CSF2RA: variants seen among roughly 807,000 people sequenced by gnomAD.
CSF2RA encodes colony stimulating factor 2 receptor subunit alpha, also known as granulocyte-macrophage colony-stimulating factor receptor subunit alpha.
Under a neutral mutation model 51.6 loss-of-function variants are expected in CSF2RA, and 42 were observed. That is an observed-to-expected ratio of 0.81 (90% CI 0.64 to 1.05). The LOEUF (loss-of-function observed/expected upper bound fraction) is 1.05. CSF2RA is among the 50% of genes least tolerant of loss of function. The probability of loss-of-function intolerance (pLI) is 0.00; values close to 1 mark genes in which losing one functional copy is unlikely to be tolerated. For missense variants in CSF2RA, 530 were observed against 501.1 expected, an observed-to-expected ratio of 1.06 and a Z score of -0.55; for synonymous variants, 222 against 193.0, an observed-to-expected ratio of 1.15 and a Z score of -1.24.
chrX:1,322,444 T>TTTG, the CSF2RA span, among the ~76,000 whole-genome samples: 1 of 88,886 alleles, frequency 1.1e-5, no homozygotes, highest in South Asian at 2.9e-4. Context: ...TGTTTGTTTT[T>TTTG]TTTTTTTTTT....
chrX:1,303,843 T>C (rs188182420), intron 10 of CSF2RA, 80 bp from the exon 11 acceptor site: 7 of 1,208,808 alleles, frequency 5.8e-6, no homozygotes, highest in African/African-American at 1.5e-5. Context: ...TAAATGCATT[T>C]GGACACCCGA....
chrX:1,298,377 G>GT (rs2092119094), intron 9 of CSF2RA, among the ~76,000 whole-genome samples: 1 of 24,060 alleles, frequency 4.2e-5, no homozygotes, highest in African/African-American at 2.3e-4. Context: ...ACCCCTGGCA[G>GT]AACCCTACAG....
the CSF2RA span, among the ~76,000 whole-genome samples, chrX:1,318,493 G>C: frequency 2.0e-5 from 3 of 151,746 alleles, no homozygotes; most frequent in Non-Finnish European, 1.5e-5. Context: ...ACTGGCCAAA[G>C]GGTGGTTGCA....
the CSF2RA span, among the ~76,000 whole-genome samples, chrX:1,319,974 C>T: frequency 1.4e-5 from 2 of 143,220 alleles, no homozygotes; most frequent in Admixed American, 1.4e-4. Flanking sequence ...CGGCTCACTG[C>T]AAGCTCTGCC....
chrX:1,323,486 C>T, the CSF2RA span, among the ~76,000 whole-genome samples: 3 of 151,998 alleles, frequency 2.0e-5, no homozygotes, highest in Non-Finnish European at 4.4e-5. Flanking sequence ...TTCAGGCGAC[C>T]GGATTCTCAC....
In CSF2RA at chrX:1,289,030, C is replaced by T. The variant is rs1359792175; in HGVS notation, c.473+142C>T. On this transcript the variant is annotated intron_variant, in intron 6 of 12. Transcript: ENST00000381529. ...AGGCTGCAATGCAATGGTGCCACCTCGGCTCACTGCAACCTCGACCTCCTG... is the reference window on the plus strand; with the variant it reads ...AGGCTGCAATGCAATGGTGCCACCTTGGCTCACTGCAACCTCGACCTCCTG... 463 of 1,122,148 alleles carry T rather than the reference C, an allele frequency of 4.1e-4. 1 individual carries two copies. The highest frequency in any genetic ancestry group is 5.6e-4 in the Non-Finnish European group (424 of 760,418). 69.5% of individuals were successfully genotyped at this position (1,122,148 alleles called of 1,614,324 possible). A position where few individuals can be genotyped will look rare whatever the true frequency, so the allele number is the denominator to read the frequency against.
At chrX:1,299,487 C>T (rs1289387483) in intron 9 of CSF2RA, among the ~76,000 whole-genome samples, 2 of 152,112 alleles carry the variant, frequency 1.3e-5, no homozygotes, top group Middle Eastern at 3.4e-3. Flanking sequence ...TGCAGTGGTG[C>T]GATCTCGGCT....
intron 12 of CSF2RA, among the ~76,000 whole-genome samples, chrX:1,308,714 GC>G (rs1348892036): frequency 2.0e-5 from 3 of 151,970 alleles, no homozygotes; most frequent in Admixed American, 1.3e-4. Context: ...CTCCTCCCCG[GC>G]CCCCGCTTTC....
At chrX:1,307,192 C>T (rs2083661619) in intron 12 of CSF2RA, among the ~76,000 whole-genome samples, 1 of 152,202 alleles carries the variant, frequency 6.6e-6, no homozygotes, top group African/African-American at 2.4e-5. Context: ...AGAGGCAGAA[C>T]TGTCCTGCAT....
chrX:1,295,116 A>C (rs1314933725), intron 8 of CSF2RA, among the ~76,000 whole-genome samples: 1 of 152,214 alleles, frequency 6.6e-6, no homozygotes, highest in Non-Finnish European at 1.5e-5. Flanking sequence ...AACCACCTGG[A>C]CCCAGTGTAG....
In CSF2RA at chrX:1,309,183, C is replaced by T. The variant is rs28506953; in HGVS notation, c.1126-219C>T. Reference sequence around the variant, plus strand: ...ATCTGATCAGTCAAATTTGTGGTGGCGGGCGCCTGTAATCCCAGCTACTCA... The same window carrying T: ...ATCTGATCAGTCAAATTTGTGGTGGTGGGCGCCTGTAATCCCAGCTACTCA... On this transcript the variant is annotated intron_variant, in intron 12 of 12. Transcript: ENST00000381529. Among the ~76,000 whole-genome samples, 76,955 of 151,850 alleles carry T rather than the reference C, an allele frequency of 0.51. 21,601 individuals are homozygous for T. Among genetic ancestry groups the T allele is most frequent in the Non-Finnish European group, 0.66 (44,666 of 67,880 alleles).
intron 12 of CSF2RA, among the ~76,000 whole-genome samples, chrX:1,308,189 C>T (rs34598441): frequency 0.13 from 20,348 of 152,002 alleles, 1,712 homozygotes; most frequent in Non-Finnish European, 0.19. Context: ...TCGTAGCAGC[C>T]GCTGAGTCAT....
At chrX:1,269,239 G>A (rs1364832180) in intron 1 of CSF2RA, among the ~76,000 whole-genome samples, 1 of 152,198 alleles carries the variant, frequency 6.6e-6, no homozygotes, top group Non-Finnish European at 1.5e-5. Flanking sequence ...GCTGTACATT[G>A]CTAAGCTACA....
chrX:1,282,635 G>A, intron 2 of CSF2RA, 43 bp from the exon 3 acceptor site: 1 of 1,418,596 alleles, frequency 7.0e-7, no homozygotes, highest in Non-Finnish European at 1.0e-6. Flanking sequence ...GAATGTCCTG[G>A]GAGAGGCAAC....
the CSF2RA span, among the ~76,000 whole-genome samples, chrX:1,324,563 AGAAG>A: frequency 1.3e-5 from 2 of 150,398 alleles, no homozygotes; most frequent in South Asian, 2.1e-4. Flanking sequence ...AGGAAAGAAA[AGAAG>A]GAAGGAAGGA....
chrX:1,321,543 C>T, the CSF2RA span, among the ~76,000 whole-genome samples: 1 of 151,084 alleles, frequency 6.6e-6, no homozygotes, highest in South Asian at 2.1e-4. Context: ...CCACTGCACT[C>T]CAGCCTGGGG....
chrX:1,283,254 T>C (rs2090261119), intron 3 of CSF2RA, among the ~76,000 whole-genome samples: 1 of 143,836 alleles, frequency 7.0e-6, no homozygotes, highest in Non-Finnish European at 1.5e-5. Context: ...CTTCTCTCCT[T>C]CCTTCCATCC....
Position 1,298,729 on chromosome X carries a change from C to T in CSF2RA, c.811-1762C>T, listed in dbSNP as rs193206321. Among the ~76,000 whole-genome samples, 207 of 42,900 alleles carry T rather than the reference C, an allele frequency of 4.8e-3. 14 individuals are homozygous for T. The highest frequency in any genetic ancestry group is 0.044 in the South Asian group (52 of 1,194). 28.1% of individuals were successfully genotyped at this position (42,900 alleles called of 152,430 possible). ...GTGGAACCCTACAGTCCCCTACTCA[C>T]GACCCCTAGTGTAACCCCACATGAC... On this transcript the variant is annotated intron_variant, in intron 9 of 12. Coordinates refer to ENST00000381529, the MANE Select transcript of CSF2RA (RefSeq NM_172245.4).
chrX:1,311,820 G>C (rs2084205604), downstream of CSF2RA, among the ~76,000 whole-genome samples: 1 of 152,088 alleles, frequency 6.6e-6, no homozygotes, highest in Admixed American at 6.6e-5. Flanking sequence ...AGACGAGACG[G>C]AAATTCATTT....
Sources: gnomAD v4.1 joint callset for allele counts (sites outside exome capture counted in the v4.1 genomes callset) on GRCh38, gnomAD v4.1.1 for gene constraint, MANE v1.5 for transcripts, NCBI Gene and HGNC (gene_info 2026-07-23, HGNC 2026-07-21) for gene names.